Variants in LRRC37A3 observed in about 807,000 individuals in gnomAD.
LRRC37A3 encodes leucine-rich repeat-containing protein 37A3.
In LRRC37A3, 25 loss-of-function variants were observed where a neutral mutation model predicts 106.2. That is an observed-to-expected ratio of 0.24 (90% CI 0.17 to 0.33). LRRC37A3 has a LOEUF of 0.33. LRRC37A3 is among the 10% of genes least tolerant of loss of function. LRRC37A3 has a pLI of 1.00. For missense variants in LRRC37A3, 712 were observed against 1,644.9 expected (o/e 0.43, Z 9.81); for synonymous variants, 305 against 635.8 (o/e 0.48, Z 7.83).
chr17:64,868,077 A>G (rs1973178622), intron 10 of LRRC37A3, among the ~76,000 whole-genome samples: 1 of 151,884 alleles, frequency 6.6e-6, no homozygotes, highest in African/African-American at 2.4e-5. Flanking sequence ...CCATTTCAAA[A>G]ACAAAAAAAA....
At chr17:64,916,775 G>C (rs1187144280) in intron 2 of LRRC37A3, among the ~76,000 whole-genome samples, 1 of 147,276 alleles carries the variant, frequency 6.8e-6, no homozygotes, top group African/African-American at 2.5e-5. Context: ...AACAGAGCAA[G>C]ACTCTGTCTC....
At chr17:64,902,031 CAT>C (rs1974323054) in intron 2 of LRRC37A3, among the ~76,000 whole-genome samples, 1 of 144,006 alleles carries the variant, frequency 6.9e-6, no homozygotes, top group African/African-American at 2.7e-5. Context: ...ATTCGAGAAA[CAT>C]AATCTAATAA....
chr17:64,873,834 G>C (rs1973407041), intron 8 of LRRC37A3, among the ~76,000 whole-genome samples: 1 of 152,200 alleles, frequency 6.6e-6, no homozygotes, highest in Non-Finnish European at 1.5e-5. Flanking sequence ...TACACATAAT[G>C]AGCATCCCAG....
chr17:64,877,850 T>C (rs542367751), intron 8 of LRRC37A3, among the ~76,000 whole-genome samples: 4 of 151,786 alleles, frequency 2.6e-5, no homozygotes, highest in Non-Finnish European at 4.4e-5. Context: ...AAATAAACCC[T>C]CACATTTATG....
At chr17:64,882,548 GAGA>G (rs1973739358) in intron 8 of LRRC37A3, among the ~76,000 whole-genome samples, 1 of 152,144 alleles carries the variant, frequency 6.6e-6, no homozygotes. Context: ...CTCCGAATCA[GAGA>G]AGAAGCTGCC....
chr17:64,909,719 T>C (rs1356623259), intron 2 of LRRC37A3: 1 of 152,276 alleles, frequency 6.6e-6, no homozygotes, highest in Non-Finnish European at 1.5e-5. Flanking sequence ...TACAACAGGA[T>C]TGATGCAAAC....
At chr17:64,900,869 TTTTG>T (rs1293617235) in intron 2 of LRRC37A3, among the ~76,000 whole-genome samples, 37 of 130,410 alleles carry the variant, frequency 2.8e-4, no homozygotes, top group Admixed American at 6.4e-4. Context: ...ACACTTCGAT[TTTTG>T]TTTTTCTTTT....
chr17:64,866,606 ATATATATATATATATATATATATTTT>A (rs1973092619), intron 10 of LRRC37A3, among the ~76,000 whole-genome samples: 2 of 18,046 alleles, frequency 1.1e-4, no homozygotes, highest in African/African-American at 7.6e-4. Flanking sequence ...ATATATATAT[ATATATATATATATATATATATATTTT>A]TTTTTTTTTT....
intron 10 of LRRC37A3, among the ~76,000 whole-genome samples, chr17:64,864,756 A>G (rs1972999430): frequency 6.6e-6 from 1 of 151,572 alleles, no homozygotes; most frequent in Admixed American, 6.6e-5. Context: ...TTGAGGATCA[A>G]ATGAATCAAT....
chr17:64,855,948 C>A, intron 13 of LRRC37A3, 59 bp from the exon 14 acceptor site: 3 of 1,610,158 alleles, frequency 1.9e-6, no homozygotes, highest in South Asian at 2.2e-5. Context: ...ATCTCCAAAT[C>A]TGTATTGATT....
rs1972926629 is a variant in LRRC37A3, at chr17:64,862,977, T to C, written c.3095A>G (p.Lys1032Arg). Reference protein sequence around the residue: ...SHMACCLCQFKNSIEAVCKTV... With the variant: ...SHMACCLCQFRNSIEAVCKTV... Reference sequence around the variant, plus strand: ...CTTGCAGACAGCCTCAATGCTGTTTTTAAATTGGCAGAGGCAGCAGGCCAT... The same window carrying C: ...CTTGCAGACAGCCTCAATGCTGTTTCTAAATTGGCAGAGGCAGCAGGCCAT... The change falls in exon 11 of 15, where the codon AAA (lysine) becomes AGA (arginine). Residue 1032 changes from lysine (K) to arginine (R), a missense_variant. Physicochemically the swap from Lys to Arg is conservative, Grantham distance 26. Transcript: ENST00000584306. 3 of 1,598,382 alleles carry C rather than the reference T, an allele frequency of 1.9e-6. No homozygotes were observed. The highest frequency in any genetic ancestry group is 2.5e-6 in the Non-Finnish European group (3 of 1,179,784).
chr17:64,855,703 G>A, intron 14 of LRRC37A3, 137 bp downstream of exon 14: 1 of 1,378,566 alleles, frequency 7.3e-7, no homozygotes, highest in Non-Finnish European at 1.0e-6. Context: ...TCGGGAGGCT[G>A]AGGCAGGAGA....
chr17:64,869,532 A>ATTT (rs1157660467), intron 8 of LRRC37A3, among the ~76,000 whole-genome samples: 9 of 125,106 alleles, frequency 7.2e-5, no homozygotes, highest in African/African-American at 2.3e-4. Context: ...TTGTTCATCT[A>ATTT]TTTTTTTTTT....
rs530662749 is a variant in LRRC37A3 at position 64,910,679 on chromosome 17, C to T, written c.-496+8071G>A. On this transcript the variant is annotated intron_variant, in intron 2 of 14. Transcript: ENST00000584306. ...TTTTTTTTTGAGCTGGAGTCTTGCT[C>T]TGTCGACCAGGCTGGAGTGCAGTGG... 1.4e-4 allele frequency among the ~76,000 whole-genome samples: 16 copies of T among 111,702 alleles called. No individual in the cohort carries two copies. The South Asian group carries it at 4.8e-3, about 33-fold the overall frequency. The allele number at this position is 111,702 out of a possible 152,430, so 73.3% of individuals were successfully genotyped here.
intron 2 of LRRC37A3, among the ~76,000 whole-genome samples, chr17:64,912,813 T>C (rs1974619627): frequency 6.8e-6 from 1 of 147,216 alleles, no homozygotes; most frequent in Non-Finnish European, 1.5e-5. Flanking sequence ...TTTGGGAGGT[T>C]GAGGTGGGCA....
intron 10 of LRRC37A3, among the ~76,000 whole-genome samples, chr17:64,866,616 ATATATATATATATTT>A (rs1293119622): frequency 2.1e-4 from 5 of 23,754 alleles, no homozygotes; most frequent in Admixed American, 6.0e-4. Flanking sequence ...ATATATATAT[ATATATATATATATTT>A]TTTTTTTTTT....
chr17:64,876,015 T>G (rs1973501288), intron 8 of LRRC37A3, among the ~76,000 whole-genome samples: 1 of 152,130 alleles, frequency 6.6e-6, no homozygotes, highest in Admixed American at 6.5e-5. Context: ...AGACGACAGA[T>G]GCGCACCACC....
chr17:64,917,258 A>C (rs574789534), intron 2 of LRRC37A3, among the ~76,000 whole-genome samples: 6 of 151,544 alleles, frequency 4.0e-5, no homozygotes, highest in Admixed American at 2.0e-4. Flanking sequence ...AAAAAAAAAA[A>C]AAAAAAAAAA....
chr17:64,875,541 C>A (rs1471013762), intron 8 of LRRC37A3, among the ~76,000 whole-genome samples: 1 of 152,124 alleles, frequency 6.6e-6, no homozygotes. Context: ...GTAATCCCAG[C>A]ACTTTGGGAG....
Sources: gnomAD v4.1 joint callset for allele counts (sites outside exome capture counted in the v4.1 genomes callset) on GRCh38, gnomAD v4.1.1 for gene constraint, MANE v1.5 for transcripts, NCBI Gene and HGNC (gene_info 2026-07-23, HGNC 2026-07-21) for gene names.